CDKAL1: variants seen among roughly 807,000 people sequenced by gnomAD.
The protein encoded by CDKAL1 is threonylcarbamoyladenosine tRNA methylthiotransferase.
Under a neutral mutation model 68.2 loss-of-function variants are expected in CDKAL1, and 32 were observed. That is an observed-to-expected ratio of 0.47 (90% CI 0.35 to 0.63). The LOEUF (loss-of-function observed/expected upper bound fraction) is 0.63, where lower values mean the gene tolerates loss of function less well. Among genes scored for constraint, CDKAL1 ranks in the 30% least tolerant of loss-of-function variants. CDKAL1 has a pLI of 0.00. For missense variants in CDKAL1, 606 were observed against 696.7 expected, an observed-to-expected ratio of 0.87 and a Z score of 1.47; for synonymous variants, 234 against 244.3, an observed-to-expected ratio of 0.96 and a Z score of 0.39.
chr6:21,044,688 G>A (rs201319), intron 11 of CDKAL1, among the ~76,000 whole-genome samples: 24,412 of 152,130 alleles, frequency 0.16, 2,184 homozygotes, highest in Middle Eastern at 0.23. Context: ...TTGAAAGGCA[G>A]TAGTTTTCAA....
chr6:21,157,857 A>AT (rs1254603415), intron 13 of CDKAL1, among the ~76,000 whole-genome samples: 1 of 152,206 alleles, frequency 6.6e-6, no homozygotes, highest in Non-Finnish European at 1.5e-5. Context: ...TGTGAATTAA[A>AT]TCTTCACAGT....
At chr6:20,581,773 G>C (rs1765152171) in intron 4 of CDKAL1, among the ~76,000 whole-genome samples, 1 of 152,094 alleles carries the variant, frequency 6.6e-6, no homozygotes, top group South Asian at 2.1e-4. Flanking sequence ...TAAATGTCTT[G>C]AAGTTGCAGG....
intron 6 of CDKAL1, chr6:20,756,906 T>TCC (rs149297339): frequency 3.4e-4 from 28 of 82,124 alleles, no homozygotes; most frequent in African/African-American, 9.7e-4. Flanking sequence ...CTTCCTTCCT[T>TCC]CCTTCCTTCC....
chr6:20,853,517 C>T (rs1759153215), intron 9 of CDKAL1, among the ~76,000 whole-genome samples: 1 of 151,994 alleles, frequency 6.6e-6, no homozygotes, highest in African/African-American at 2.4e-5. Context: ...ACTTCTGGTT[C>T]TGTGTCTAAT....
At chr6:20,606,582 T>C (rs1766343381) in intron 4 of CDKAL1, among the ~76,000 whole-genome samples, 1 of 152,160 alleles carries the variant, frequency 6.6e-6, no homozygotes, top group Non-Finnish European at 1.5e-5. Context: ...AAGAGTAGCT[T>C]TTGAAGCACA....
At chr6:21,017,321 G>A (rs1426235999) in intron 11 of CDKAL1, among the ~76,000 whole-genome samples, 1 of 152,198 alleles carries the variant, frequency 6.6e-6, no homozygotes, top group Non-Finnish European at 1.5e-5. Flanking sequence ...GTATGATGTG[G>A]AGACTTCAGA....
intron 14 of CDKAL1, among the ~76,000 whole-genome samples, chr6:21,199,344 C>T (rs1010460253): frequency 1.3e-5 from 2 of 152,136 alleles, no homozygotes; most frequent in Non-Finnish European, 2.9e-5. Flanking sequence ...TGTTCAGTAC[C>T]GGTGGAGACT....
chr6:20,915,052 G>A (rs184071261), intron 9 of CDKAL1, among the ~76,000 whole-genome samples: 3 of 151,632 alleles, frequency 2.0e-5, no homozygotes, highest in Non-Finnish European at 4.4e-5. Context: ...CGTATTTACT[G>A]ATTCTCCATT....
At chr6:21,011,097 AG>A (rs1767991612) in intron 11 of CDKAL1, among the ~76,000 whole-genome samples, 1 of 137,328 alleles carries the variant, frequency 7.3e-6, no homozygotes, top group Non-Finnish European at 1.6e-5. Context: ...AAAAAAAAAA[AG>A]CCAGGCACGG....
intron 5 of CDKAL1, among the ~76,000 whole-genome samples, chr6:20,705,009 A>G (rs1007771196): frequency 1.3e-5 from 2 of 152,234 alleles, no homozygotes; most frequent in Non-Finnish European, 2.9e-5. Flanking sequence ...TTCTTATTGT[A>G]CTTGGGTAAA....
intron 15 of CDKAL1, among the ~76,000 whole-genome samples, chr6:21,227,078 T>C (rs1779778376): frequency 6.6e-6 from 1 of 152,264 alleles, no homozygotes; most frequent in Admixed American, 6.5e-5. Context: ...CAGATATGTA[T>C]TGAATTTCAG....
intron 6 of CDKAL1, among the ~76,000 whole-genome samples, chr6:20,752,843 C>A (rs1342458573): frequency 1.3e-5 from 2 of 152,036 alleles, no homozygotes; most frequent in Non-Finnish European, 2.9e-5. Flanking sequence ...CAATACTGTC[C>A]TTTATAGGAA....
intron 5 of CDKAL1, among the ~76,000 whole-genome samples, chr6:20,729,101 G>C (rs1050759462): frequency 1.3e-5 from 2 of 152,176 alleles, no homozygotes; most frequent in African/African-American, 4.8e-5. Context: ...ATATTGACCA[G>C]TTGGGTAAAA....
At chr6:20,592,702 T>A (rs1765645030) in intron 4 of CDKAL1, among the ~76,000 whole-genome samples, 1 of 152,046 alleles carries the variant, frequency 6.6e-6, no homozygotes, top group South Asian at 2.1e-4. Context: ...CTCCTGACCG[T>A]GTGATCCACC....
chr6:21,159,248 A>G (rs1776794390), intron 13 of CDKAL1, among the ~76,000 whole-genome samples: 1 of 152,150 alleles, frequency 6.6e-6, no homozygotes, highest in Non-Finnish European at 1.5e-5. Flanking sequence ...TTCAGATAAG[A>G]AAAAATCTGG....
At chr6:21,147,935 A>T (rs1293454260) in intron 13 of CDKAL1, among the ~76,000 whole-genome samples, 2 of 152,234 alleles carry the variant, frequency 1.3e-5, no homozygotes, top group Non-Finnish European at 2.9e-5. Flanking sequence ...GGTTTATTAA[A>T]TCTAATGACT....
chr6:20,617,546 T>C (rs1766975515), intron 4 of CDKAL1, among the ~76,000 whole-genome samples: 1 of 152,190 alleles, frequency 6.6e-6, no homozygotes, highest in Admixed American at 6.5e-5. Flanking sequence ...TAGATATTTC[T>C]CCTAATGTTA....
intron 13 of CDKAL1, among the ~76,000 whole-genome samples, chr6:21,153,971 T>C (rs1283766167): frequency 1.3e-5 from 2 of 152,148 alleles, no homozygotes; most frequent in African/African-American, 4.8e-5. Flanking sequence ...AGACTCCAGA[T>C]GACATCTGGG....
At chr6:20,772,893 C>T (rs1210783758) in intron 7 of CDKAL1, 5 of 152,216 alleles carry the variant, frequency 3.3e-5, no homozygotes, top group South Asian at 2.1e-4. Context: ...CTTTGTTAAA[C>T]TCTGGAAATG....
Sources: allele counts gnomAD v4.1 joint callset (sites outside exome capture counted in the v4.1 genomes callset), GRCh38; gene constraint gnomAD v4.1.1; transcripts MANE v1.5; gene names NCBI Gene and HGNC (gene_info 2026-07-23, HGNC 2026-07-21).